The following SRRM2 variants were observed in gnomAD, a reference collection of about 807,000 sequenced individuals.
SRRM2 encodes serine/arginine repetitive matrix 2, also known as serine/arginine repetitive matrix protein 2.
SRRM2 carries 30 observed loss-of-function variants against 213.8 expected under a neutral mutation model. The ratio of observed to expected loss-of-function variants is 0.14; its 90% CI spans 0.10 to 0.19. SRRM2 has a LOEUF of 0.19. SRRM2 is among the 10% of genes least tolerant of loss of function. The pLI is 1.00. For missense variants in SRRM2, 4,904 were observed against 3,647.0 expected, an observed-to-expected ratio of 1.34 and a Z score of -8.88; for synonymous variants, 2,025 against 1,377.7, an observed-to-expected ratio of 1.47 and a Z score of -10.40.
Position 2,766,845 on chromosome 16 carries a change from C to T in SRRM2, c.6317C>T (p.Pro2106Leu). 1 of 1,614,208 alleles carries T rather than the reference C, an allele frequency of 6.2e-7. No individual in the cohort carries two copies. Among genetic ancestry groups the T allele is most frequent in the Non-Finnish European group, 8.5e-7 (1 of 1,180,046 alleles). The change falls in exon 11 of 15, where the codon CCA becomes CTA. Residue 2106 changes from proline to leucine, a missense_variant. Transcript: ENST00000301740. This position sits in a 1 kb window ranked among gnomAD's most constrained non-coding sequence, Gnocchi z 7.0. ...TRNHSGSRTP[P>L]VALNSSRMSC... ...AATCATTCTGGTTCACGGACACCTC[C>T]AGTAGCACTCAACAGTTCCAGAATG...
intron 11 of SRRM2, 192 bp downstream of exon 11, chr16:2,768,453 T>A (rs2068622108): frequency 3.0e-6 from 2 of 673,768 alleles, no homozygotes; most frequent in East Asian, 5.4e-5. Context: ...CAGATAAAAG[T>A]CTCCGAAGGT....
intron 7 of SRRM2, 36 bp downstream of exon 7, chr16:2,759,208 A>T: frequency 1.2e-6 from 2 of 1,611,142 alleles, no homozygotes; most frequent in Non-Finnish European, 1.7e-6. Flanking sequence ...GCGCAGTGGC[A>T]TGTGGAGTGG....
In SRRM2 at chr16:2,766,292, CGATCCA is replaced by C. The variant is rs1190576476; in HGVS notation, c.5773_5778del (p.Ser1925_Arg1926del). The C allele has an allele frequency of 1.2e-6, 2 of 1,614,164 alleles. No individual in the cohort carries two copies. Among genetic ancestry groups the C allele is most frequent in the African/African-American group, 2.7e-5 (2 of 75,028 alleles). Reference sequence around the variant, plus strand: ...AAGAGCATCCCCAGTGAGCAGAAGGCGATCCAGATCCAGAACGCCACCAGTAACCCG... The same window carrying C: ...AAGAGCATCCCCAGTGAGCAGAAGGCGATCCAGAACGCCACCAGTAACCCG... On this transcript the variant is annotated inframe_deletion, in exon 11 of 15. Transcript: ENST00000301740. The surrounding 1 kb of genome is among the most constrained non-coding windows in gnomAD (Gnocchi z 7.0).
rs771317040 is a variant in SRRM2, at chr16:2,760,508, C to T, written c.1032+9C>T. 5.0e-6 allele frequency: 8 copies of T among 1,614,034 alleles called. No individual in the cohort carries two copies. Among genetic ancestry groups the T allele is most frequent in the Non-Finnish European group, 6.8e-6 (8 of 1,179,972 alleles). On this transcript the variant is annotated intron_variant, in intron 10 of 14. Transcript: ENST00000301740. ...ATAAAGACAAGAAGGAGGTATGTTCCTGAGTTGGTGATGTTCATTGGATTG... is the reference window on the plus strand; with the variant it reads ...ATAAAGACAAGAAGGAGGTATGTTCTTGAGTTGGTGATGTTCATTGGATTG...
chr16:2,757,424 G>C (rs770325301), intron 2 of SRRM2, 48 bp from the exon 3 acceptor site: 1 of 1,563,362 alleles, frequency 6.4e-7, no homozygotes, highest in South Asian at 1.1e-5. Context: ...ACCTGGGACT[G>C]GGGAAAGTGT....
chr16:2,764,858 T>A lies in SRRM2; in HGVS notation c.4330T>A (p.Ser1444Thr), dbSNP rs2068485085. 6.2e-7 allele frequency: 1 copy of A among 1,614,202 alleles called. No homozygotes were observed. Among genetic ancestry groups the A allele is most frequent in the Non-Finnish European group, 8.5e-7 (1 of 1,180,030 alleles). The part of the protein sequence containing the change: ...TPSRRSRSGS[S>T]PGLRDGSGTP... ...ATCAAGGAGAAGCAGGTCTGGGTCT[T>A]CTCCAGGACTTAGAGATGGGTCTGG... Residue 1444 changes from serine (S) to threonine (T), a missense_variant, in exon 11 of 15, where the codon TCT becomes ACT. Coordinates refer to ENST00000301740, the MANE Select transcript of SRRM2 (RefSeq NM_016333.4).
chr16:2,770,899 G>T lies in SRRM2; in HGVS notation c.*32G>T, dbSNP rs534870872. 1.9e-6 allele frequency: 3 copies of T among 1,613,258 alleles called. No homozygotes were observed. Among genetic ancestry groups the T allele is most frequent in the South Asian group, 2.2e-5 (2 of 90,908 alleles). The stretch of plus-strand genomic sequence containing the variant: ...TTTGGGGGATTCCACCACACCCAAT[G>T]CTCTGGAGCCACAAGGAGTGTCCCT... On this transcript the variant is annotated 3_prime_UTR_variant, in exon 15 of 15. Transcript: ENST00000301740.
Position 2,768,258 on chromosome 16 carries a change from A to G in SRRM2, c.7730A>G (p.Lys2577Arg). 6.5e-7 allele frequency: 1 copy of G among 1,545,638 alleles called. No individual in the cohort carries two copies. Reference sequence around the variant, plus strand: ...CCTGTGCAACCTGAGGTGGCACTGAAGAGGTGAGGGAGCTTGACTTTTAGA... The same window carrying G: ...CCTGTGCAACCTGAGGTGGCACTGAGGAGGTGAGGGAGCTTGACTTTTAGA... ...SLPVQPEVAL[K>R]RVPSPTPAPK... The change falls in exon 11 of 15, where the codon AAG becomes AGG. Residue 2577 changes from lysine (K) to arginine (R), a missense_variant. Coordinates refer to ENST00000301740, the MANE Select transcript of SRRM2 (RefSeq NM_016333.4).
In SRRM2 at chr16:2,765,189, A is replaced by T. The variant is rs772133548; in HGVS notation, c.4661A>T (p.Gln1554Leu). 1.3e-5 allele frequency: 21 copies of T among 1,614,212 alleles called. No individual in the cohort carries two copies. The East Asian group carries it at 4.7e-4, about 36-fold the overall frequency. The change falls in exon 11 of 15, where the codon CAG (glutamine) becomes CTG (leucine). Residue 1554 changes from glutamine (Q) to leucine (L), a missense_variant. Physicochemically the swap from Gln to Leu is moderately radical, Grantham distance 113. Transcript: ENST00000301740. ...GATGTGAAACCCAGTGCATCCCCTC[A>T]GGAAAGAAGTGAGTCAGACTCTTCT... is the stretch of plus-strand genomic sequence containing the variant. ...ELDVKPSASP[Q>L]ERSESDSSPD...
Position 2,757,567 on chromosome 16 carries a change from G to T in SRRM2, c.338G>T (p.Gly113Val). ...VNPGGKEETP[G>V]QRPAVTETHQ... is the part of the protein sequence containing the mutation. Reference sequence around the variant, plus strand: ...CCTGGGGGCAAGGAGGAGACCCCAGGGCAGAGGCCAGCGTGAGTGTTGCGC... The same window carrying T: ...CCTGGGGGCAAGGAGGAGACCCCAGTGCAGAGGCCAGCGTGAGTGTTGCGC... Residue 113 changes from glycine to valine, a missense_variant, in exon 3 of 15, where the codon GGG becomes GTG. Transcript: ENST00000301740. 2 of 1,613,688 alleles carry T rather than the reference G, an allele frequency of 1.2e-6. No homozygotes were observed. The highest frequency in any genetic ancestry group is 1.7e-6 in the Non-Finnish European group (2 of 1,179,744).
In SRRM2 at chr16:2,761,679, C is replaced by T; in HGVS notation, c.1151C>T (p.Thr384Ile). 6.3e-7 allele frequency: 1 copy of T among 1,599,010 alleles called. No individual in the cohort carries two copies. The highest frequency in any genetic ancestry group is 8.5e-7 in the Non-Finnish European group (1 of 1,172,960). Residue 384 changes from threonine (T) to isoleucine (I), a missense_variant, in exon 11 of 15, where the codon ACC becomes ATC. Coordinates refer to ENST00000301740, the MANE Select transcript of SRRM2 (RefSeq NM_016333.4). ...GGCTCCCCACAACCCCTTGCAACCA[C>T]CCCCTTAAGCCAGGAGCCAGTGAAC... Reference protein sequence around the residue: ...HGGSPQPLATTPLSQEPVNPP... With the variant: ...HGGSPQPLATIPLSQEPVNPP...
At position 2,763,978 on chromosome 16, in the gene SRRM2, G is replaced by A. The variant is rs1476353028; in HGVS notation, c.3450G>A (p.Ser1150=). ...CTTCTTCATATCCTACAGTGGACTCGAATTCTCTCTTGGGGCAGAGTAGAT... is the reference window on the plus strand; with the variant it reads ...CTTCTTCATATCCTACAGTGGACTCAAATTCTCTCTTGGGGCAGAGTAGAT... ...SDSSSYPTVD[S]NSLLGQSRLE... is the part of the protein sequence containing the mutation. Residue 1150 remains serine (S), a synonymous_variant, in exon 11 of 15, where the codon TCG becomes TCA. Coordinates refer to ENST00000301740, the MANE Select transcript of SRRM2 (RefSeq NM_016333.4). 22 of 1,614,056 alleles carry A rather than the reference G, an allele frequency of 1.4e-5. No homozygotes were observed. In the South Asian group the frequency reaches 1.4e-4, roughly 10 times the overall value.
In SRRM2 at chr16:2,770,993, A is replaced by C. The variant is rs1430224684; in HGVS notation, c.*126A>C. The C allele has an allele frequency of 3.7e-6, 4 of 1,092,916 alleles. No homozygotes were observed. The highest frequency in any genetic ancestry group is 3.9e-6 in the Non-Finnish European group (3 of 778,674). The allele number at this position is 1,092,916 out of a possible 1,614,324, so 67.7% of individuals were successfully genotyped here. On this transcript the variant is annotated 3_prime_UTR_variant, in exon 15 of 15. Transcript: ENST00000301740. The stretch of plus-strand genomic sequence containing the variant: ...TTGAACCTTGGCAGCCCTTGGATGG[A>C]GGGCTCCCTTTCCCTCCCCTTTTTT...
In SRRM2 at chr16:2,766,152, G is replaced by A. The variant is rs756650533; in HGVS notation, c.5624G>A (p.Arg1875Gln). Residue 1875 changes from arginine to glutamine, a missense_variant, in exon 11 of 15, where the codon CGA becomes CAA. Coordinates refer to ENST00000301740, the MANE Select transcript of SRRM2 (RefSeq NM_016333.4). This position sits in a 1 kb window ranked among gnomAD's most constrained non-coding sequence, Gnocchi z 7.0. ...RSRASPATHRRSRSRTPLISR... is the reference protein window; with the variant it reads ...RSRASPATHRQSRSRTPLISR... ...CGAGCCTCTCCAGCCACTCACCGGCGATCCAGGTCCAGAACCCCCCTGATA... is the reference window on the plus strand; with the variant it reads ...CGAGCCTCTCCAGCCACTCACCGGCAATCCAGGTCCAGAACCCCCCTGATA... The A allele has an allele frequency of 1.2e-6, 2 of 1,614,114 alleles. No individual in the cohort carries two copies. Among genetic ancestry groups the A allele is most frequent in the South Asian group, 1.1e-5 (1 of 91,082 alleles).
At position 2,760,604 on chromosome 16, in the gene SRRM2, TCA is replaced by T. The variant is rs1220554487; in HGVS notation, c.1032+106_1032+107del. On this transcript the variant is annotated intron_variant, in intron 10 of 14. Transcript: ENST00000301740. Reference sequence around the variant, plus strand: ...TAATAACTTATTAAAATAAATAAATTCAGTTTTTTTTCCTGCATTTCTCTCCT... The same window carrying T: ...TAATAACTTATTAAAATAAATAAATTGTTTTTTTTCCTGCATTTCTCTCCT... 20 of 1,359,858 alleles carry T rather than the reference TCA, an allele frequency of 1.5e-5. No individual in the cohort carries two copies. In the African/African-American group the frequency reaches 2.7e-4, roughly 18 times the overall value. 84.2% of individuals were successfully genotyped at this position (1,359,858 alleles called of 1,614,324 possible).
intron 1 of SRRM2, chr16:2,753,643 C>G (rs961659357): frequency 6.6e-5 from 10 of 152,288 alleles, no homozygotes; most frequent in Middle Eastern, 3.4e-3. Flanking sequence ...TATAAGTTTT[C>G]TGGTTGGTTT....
intron 1 of SRRM2, among the ~76,000 whole-genome samples, chr16:2,755,351 G>A (rs1053211904): frequency 1.3e-5 from 2 of 152,174 alleles, no homozygotes; most frequent in Non-Finnish European, 2.9e-5. Flanking sequence ...CTATCCAGGG[G>A]ATTGGTGGGG....
Position 2,765,769 on chromosome 16 carries a change from A to G in SRRM2, c.5241A>G (p.Ser1747=), listed in dbSNP as rs1365308397. 1.9e-6 allele frequency: 3 copies of G among 1,613,986 alleles called. No individual in the cohort carries two copies. The highest frequency in any genetic ancestry group is 4.5e-5 in the East Asian group (2 of 44,888). The change falls in exon 11 of 15, where the codon TCA becomes TCG. Residue 1747 remains serine, a synonymous_variant. Coordinates refer to ENST00000301740, the MANE Select transcript of SRRM2 (RefSeq NM_016333.4). The part of the protein sequence containing the change: ...EKSRSSRRRR[S]ASSPRTKTTS... ...CGAGGTCTTCACGCCGACGGCGCTC[A>G]GCTTCATCTCCACGCACTAAGACAA...
At position 2,768,190 on chromosome 16, in the gene SRRM2, C is replaced by T. The variant is rs148768052; in HGVS notation, c.7662C>T (p.Ser2554=). The T allele has an allele frequency of 3.0e-4, 480 of 1,609,120 alleles. No homozygotes were observed. Among genetic ancestry groups the T allele is most frequent in the Middle Eastern group, 6.6e-4 (4 of 6,052 alleles). ...CATCATCGTCGTCGTCGTCCTCCTC[C>T]TCCTCTGGCTCCAGTTCTAGTGACT... ...SSSSSSSSSS[S]SSGSSSSDSE... Residue 2554 remains serine, a synonymous_variant, in exon 11 of 15, where the codon TCC becomes TCT. Transcript: ENST00000301740.
Sources: allele counts gnomAD v4.1 joint callset (sites outside exome capture counted in the v4.1 genomes callset), GRCh38; gene constraint gnomAD v4.1.1; non-coding constraint Gnocchi (gnomAD v3.1); transcripts MANE v1.5; gene names NCBI Gene and HGNC (gene_info 2026-07-23, HGNC 2026-07-21).